The following TGFBI variants were observed in gnomAD, a reference collection of about 807,000 sequenced individuals.
TGFBI encodes transforming growth factor beta induced.
In TGFBI, 50 loss-of-function variants were observed where a neutral mutation model predicts 73.7. That is an observed-to-expected ratio of 0.68 (90% confidence interval 0.54 to 0.86). The LOEUF is 0.86. Ranked by LOEUF, TGFBI falls within the 40% of genes least tolerant of loss-of-function variation. TGFBI has a pLI of 0.00. For missense variants in TGFBI, 839 were observed against 877.0 expected (o/e 0.96, Z 0.55); for synonymous variants, 362 against 360.5 (o/e 1.00, Z -0.05).
chr5:136,032,471 G>A (rs1751137972), intron 1 of TGFBI, among the ~76,000 whole-genome samples: 2 of 152,206 alleles, frequency 1.3e-5, no homozygotes, highest in African/African-American at 4.8e-5. Context: ...TCATGATGGG[G>A]ACAGTAGGTG....
intron 2 of TGFBI, among the ~76,000 whole-genome samples, chr5:136,038,549 T>C (rs1751271148): frequency 6.6e-6 from 1 of 151,140 alleles, no homozygotes; most frequent in South Asian, 2.1e-4. Flanking sequence ...ACTCCCCCTC[T>C]AGTAAAAAAA....
chr5:136,062,040 T>A (rs1751757820), intron 15 of TGFBI, among the ~76,000 whole-genome samples: 1 of 152,184 alleles, frequency 6.6e-6, no homozygotes. Context: ...GATACTGGGC[T>A]CGCTATGTGT....
intron 1 of TGFBI, among the ~76,000 whole-genome samples, chr5:136,031,231 A>G (rs1751114411): frequency 6.6e-6 from 1 of 152,240 alleles, no homozygotes; most frequent in South Asian, 2.1e-4. Context: ...CTCTGATCTA[A>G]CTGTCCCTGT....
chr5:136,032,929 A>G (rs1485674648), intron 1 of TGFBI, among the ~76,000 whole-genome samples: 1 of 152,050 alleles, frequency 6.6e-6, no homozygotes, highest in African/African-American at 2.4e-5. Flanking sequence ...AGACATTTAC[A>G]CTCTGCTTTT....
chr5:136,036,264 G>A (rs1472063342), intron 2 of TGFBI, among the ~76,000 whole-genome samples: 4 of 152,174 alleles, frequency 2.6e-5, no homozygotes, highest in East Asian at 1.9e-4. Context: ...GGCAAAGCCC[G>A]ATGCCCAGTC....
At chr5:136,038,565 A>G (rs543233318) in intron 2 of TGFBI, among the ~76,000 whole-genome samples, 1 of 152,000 alleles carries the variant, frequency 6.6e-6, no homozygotes, top group East Asian at 1.9e-4. Flanking sequence ...AAAAAAAAAT[A>G]CAAAAATTAG....
chr5:136,050,733 C>T (rs1751519077), intron 7 of TGFBI, among the ~76,000 whole-genome samples: 1 of 152,212 alleles, frequency 6.6e-6, no homozygotes, highest in Non-Finnish European at 1.5e-5. Context: ...TAATGCATTT[C>T]AGACACCCTA....
intron 7 of TGFBI, among the ~76,000 whole-genome samples, chr5:136,051,492 A>G (rs1751532856): frequency 6.6e-6 from 1 of 152,208 alleles, no homozygotes; most frequent in Non-Finnish European, 1.5e-5. Context: ...ACTGTAAGAA[A>G]AAAAAGGCCC....
Position 136,049,467 on chromosome 5 carries a change from C to A in TGFBI, c.800C>A (p.Thr267Lys), listed in dbSNP as rs757122798. ...GCTGTGGCTGCATCAGGGCTCAACACGATGCTTGAAGGTAACGGCCAGTAC... is the reference window on the plus strand; with the variant it reads ...GCTGTGGCTGCATCAGGGCTCAACAAGATGCTTGAAGGTAACGGCCAGTAC... ...RAAVAASGLN[T>K]MLEGNGQYTL... The change falls in exon 7 of 17, where the codon ACG becomes AAG. Residue 267 changes from threonine (T) to lysine (K), a missense_variant. Transcript: ENST00000442011. 1.2e-6 allele frequency: 2 copies of A among 1,613,996 alleles called. No individual in the cohort carries two copies. The highest frequency in any genetic ancestry group is 1.1e-5 in the South Asian group (1 of 91,076).
intron 2 of TGFBI, among the ~76,000 whole-genome samples, 186 bp downstream of exon 2, chr5:136,034,047 T>A (rs372749224): frequency 6.6e-6 from 1 of 152,186 alleles, no homozygotes; most frequent in Non-Finnish European, 1.5e-5. Flanking sequence ...TTGTTTTGCA[T>A]TTTTAAGGCT....
chr5:136,053,141 C>T (rs1292233100), intron 8 of TGFBI, 22 bp downstream of exon 8: 2 of 1,608,150 alleles, frequency 1.2e-6, no homozygotes, highest in Non-Finnish European at 1.7e-6. Context: ...CTCCGGGGGC[C>T]TTGGCCCTGC....
chr5:136,059,017 C>T (rs1751698953), intron 12 of TGFBI, 73 bp from the exon 13 acceptor site: 2 of 1,547,536 alleles, frequency 1.3e-6, no homozygotes, highest in Non-Finnish European at 1.7e-6. Context: ...ACATCTTCTC[C>T]TCTGGGCCCT....
rs954033920 is a variant in TGFBI at position 136,059,112 on chromosome 5, C to T, written c.1701C>T (p.Asn567=). 2 of 1,611,516 alleles carry T rather than the reference C, an allele frequency of 1.2e-6. No individual in the cohort carries two copies. The highest frequency in any genetic ancestry group is 1.3e-5 in the African/African-American group (1 of 74,890). ...CAGGAGATGCCAAGGAACTTGCCAA[C>T]ATCCTGAAATACCACATTGGTGATG... is the stretch of plus-strand genomic sequence containing the variant. The part of the protein sequence containing the change: ...RLLGDAKELA[N]ILKYHIGDEI... Residue 567 remains asparagine (N), a synonymous_variant, in exon 13 of 17, where the codon AAC becomes AAT. Transcript: ENST00000442011.
chr5:136,054,553 A>G lies in TGFBI; in HGVS notation c.1265-163A>G, dbSNP rs45489201. On this transcript the variant is annotated intron_variant, in intron 9 of 16. Transcript: ENST00000442011. ...ATCTGGATCTTCTTTAATTCTCCAT[A>G]GAAGATACCAGATGTTAAGGAATAT... The G allele has an allele frequency of 7.4e-3, 7,275 of 978,888 alleles. 28 individuals are homozygous for G. The highest frequency in any genetic ancestry group is 0.011 in the Middle Eastern group (38 of 3,542). 60.6% of individuals were successfully genotyped at this position (978,888 alleles called of 1,614,324 possible).
intron 4 of TGFBI, 21 bp downstream of exon 4, chr5:136,046,516 C>T: frequency 6.3e-7 from 1 of 1,585,488 alleles, no homozygotes; most frequent in Non-Finnish European, 8.6e-7. Flanking sequence ...CTCCGTCTGC[C>T]CGGGGGACTC....
rs200201691 is a variant in TGFBI at position 136,060,900 on chromosome 5, G to A, written c.1870G>A (p.Val624Met). ...AEPDIMATNG[V>M]VHVITNVLQP... ...GCCTGACATCATGGCCACAAATGGC[G>A]TGGTCCATGTCATCACCAATGTTCT... Residue 624 changes from valine (V) to methionine (M), a missense_variant, in exon 14 of 17, where the codon GTG (valine) becomes ATG (methionine). Val to Met is a conservative substitution (Grantham distance 21). Coordinates refer to ENST00000442011, the MANE Select transcript of TGFBI (RefSeq NM_000358.3). 1.5e-4 allele frequency: 244 copies of A among 1,597,452 alleles called. No individual in the cohort carries two copies. In the African/African-American group the frequency reaches 2.9e-3, roughly 19 times the overall value.
At chr5:136,034,832 T>G (rs1236980329) in intron 2 of TGFBI, among the ~76,000 whole-genome samples, 1 of 152,212 alleles carries the variant, frequency 6.6e-6, no homozygotes, top group East Asian at 1.9e-4. Context: ...AGGCCTGACC[T>G]TCCTCCTGTC....
At chr5:136,035,178 C>A (rs946543506) in intron 2 of TGFBI, among the ~76,000 whole-genome samples, 8 of 152,120 alleles carry the variant, frequency 5.3e-5, no homozygotes, top group Admixed American at 5.2e-4. Flanking sequence ...ATTGACAGCC[C>A]AGCCTGCAAG....
At chr5:136,050,882 G>A (rs976929617) in intron 7 of TGFBI, among the ~76,000 whole-genome samples, 2 of 152,152 alleles carry the variant, frequency 1.3e-5, no homozygotes, top group Non-Finnish European at 2.9e-5. Context: ...GGCCGGCACT[G>A]GGGACAGAGG....
Sources: allele counts gnomAD v4.1 joint callset (sites outside exome capture counted in the v4.1 genomes callset), GRCh38; gene constraint gnomAD v4.1.1; transcripts MANE v1.5; gene names NCBI Gene and HGNC (gene_info 2026-07-23, HGNC 2026-07-21).